Variants in DNM1L observed in about 807,000 individuals in gnomAD.
DNM1L encodes dynamin-1-like protein.
In DNM1L, 33 loss-of-function variants were observed where a neutral mutation model predicts 92.8. The ratio of observed to expected loss-of-function variants is 0.36; its 90% CI spans 0.27 to 0.48. DNM1L has a LOEUF of 0.48. DNM1L is among the 20% of genes least tolerant of loss of function. The probability of loss-of-function intolerance (pLI) is 0.99; values close to 1 mark genes in which losing one functional copy is unlikely to be tolerated. For synonymous variants in DNM1L, 284 were observed against 305.0 expected (o/e 0.93, Z 0.72); for missense variants, 485 against 888.8 (o/e 0.55, Z 5.78).
intron 17 of DNM1L, 76 bp from the exon 18 acceptor site, chr12:32,740,333 T>TA: frequency 3.7e-6 from 6 of 1,610,382 alleles, no homozygotes; most frequent in Non-Finnish European, 4.2e-6. Context: ...CTCAAAAACT[T>TA]ACATAACTTT....
Position 32,731,860 on chromosome 12 carries a change from T to G in DNM1L, c.1363T>G (p.Leu455Val). The G allele has an allele frequency of 6.2e-7, 1 of 1,612,368 alleles. No homozygotes were observed. Among genetic ancestry groups the G allele is most frequent in the Non-Finnish European group, 8.5e-7 (1 of 1,178,584 alleles). ...HCSNYSTQELLRFPKLHDAIV... is the reference protein window; with the variant it reads ...HCSNYSTQELVRFPKLHDAIV... The stretch of plus-strand genomic sequence containing the variant: ...TTTCATCTACCATTTGTAGGAATTG[T>G]TACGATTTCCTAAACTTCATGATGC... Residue 455 changes from leucine (L) to valine (V), a missense_variant, in exon 12 of 20, where the codon TTA becomes GTA. Physicochemically the swap from Leu to Val is conservative, Grantham distance 32. This residue lies in a region of DNM1L where 28 missense variants were observed against 65.1 expected (regional missense o/e 0.43). Coordinates refer to ENST00000549701, the MANE Select transcript of DNM1L (RefSeq NM_012062.5). This position sits in a 1 kb window ranked among gnomAD's most constrained non-coding sequence, Gnocchi z 5.1.
At chr12:32,717,188 A>G (rs545278190) in intron 6 of DNM1L, among the ~76,000 whole-genome samples, 68 of 119,176 alleles carry the variant, frequency 5.7e-4, no homozygotes, top group African/African-American at 2.1e-3. Context: ...TATAGTATAT[A>G]CTATATATAT....
intron 9 of DNM1L, among the ~76,000 whole-genome samples, chr12:32,724,576 CAAAAAAAA>C (rs10535838): frequency 8.3e-5 from 8 of 95,964 alleles, no homozygotes; most frequent in Admixed American, 1.5e-4. Flanking sequence ...ACTCTATCTC[CAAAAAAAA>C]AAAAAAAAAA....
chr12:32,684,396 A>G (rs1226013919), intron 1 of DNM1L, among the ~76,000 whole-genome samples: 3 of 152,264 alleles, frequency 2.0e-5, no homozygotes, highest in South Asian at 4.1e-4. Context: ...GGATTTGCCT[A>G]TTTGGGATAT....
intron 1 of DNM1L, among the ~76,000 whole-genome samples, chr12:32,685,311 G>A (rs1328600084): frequency 6.7e-6 from 1 of 148,684 alleles, no homozygotes; most frequent in African/African-American, 2.5e-5. Context: ...TAATTCTTAC[G>A]TTTAACTTTC....
intron 9 of DNM1L, chr12:32,728,908 C>T (rs11052205): frequency 0.15 from 23,399 of 152,162 alleles, 1,889 homozygotes; most frequent in Middle Eastern, 0.21. Flanking sequence ...CTCAGCCTCC[C>T]GAGTAGCTGG....
At chr12:32,679,720 G>T (rs1245217340) in intron 1 of DNM1L, 12 of 1,191,630 alleles carry the variant, frequency 1.0e-5, no homozygotes, top group Non-Finnish European at 1.1e-5. Flanking sequence ...GGCTAGCCCG[G>T]CGGGTCCCGG....
intron 16 of DNM1L, among the ~76,000 whole-genome samples, chr12:32,739,147 A>G (rs1955107644): frequency 6.8e-6 from 1 of 147,596 alleles, no homozygotes; most frequent in South Asian, 2.1e-4. Context: ...CTTAACTGAC[A>G]TACTAAAGAC....
At chr12:32,681,754 T>C (rs911989340) in intron 1 of DNM1L, among the ~76,000 whole-genome samples, 1 of 152,032 alleles carries the variant, frequency 6.6e-6, no homozygotes, top group African/African-American at 2.4e-5. Flanking sequence ...AATGAAGTAA[T>C]TGTAGTGAGT....
chr12:32,724,588 AAAAAAATATATAT>A (rs1480142351), intron 9 of DNM1L, among the ~76,000 whole-genome samples: 33 of 68,074 alleles, frequency 4.8e-4, no homozygotes, highest in African/African-American at 1.3e-3. Flanking sequence ...AAAAAAAAAA[AAAAAAATATATAT>A]ATATATATAT....
At chr12:32,726,717 T>C in intron 9 of DNM1L, 2 of 635,546 alleles carry the variant, frequency 3.1e-6, no homozygotes, top group Non-Finnish European at 5.7e-6. Flanking sequence ...ATGTCCCTAG[T>C]GTTTCTGCTG....
chr12:32,722,870 T>TTAAATACTTATTTTTATAAGTATTTAAA (rs59553064), intron 9 of DNM1L: 111 of 172,844 alleles, frequency 6.4e-4, no homozygotes, highest in East Asian at 5.1e-3. Flanking sequence ...TTATAAGTAT[T>TTAAATACTTATTTTTATAAGTATTTAAA]TACTTATTTT....
rs151293015 is a variant in DNM1L, at chr12:32,702,117, C to T, written c.250+555C>T. Among the ~76,000 whole-genome samples, 356 of 151,156 alleles carry T rather than the reference C, an allele frequency of 2.4e-3. 1 individual carries two copies. Among genetic ancestry groups the T allele is most frequent in the African/African-American group, 8.4e-3 (346 of 41,306 alleles). ...GATTTGGTGGCACTTGCCTGTAGTC[C>T]CAGCTACTCAGGAGGCTGAGGCAGA... is the stretch of plus-strand genomic sequence containing the variant. On this transcript the variant is annotated intron_variant, in intron 2 of 19. Coordinates refer to ENST00000549701, the MANE Select transcript of DNM1L (RefSeq NM_012062.5).
At chr12:32,708,916 C>T (rs1380977995) in intron 4 of DNM1L, among the ~76,000 whole-genome samples, 2 of 151,702 alleles carry the variant, frequency 1.3e-5, no homozygotes, top group African/African-American at 4.8e-5. Context: ...TTTTATTTCC[C>T]TTCCTTTTTG....
intron 7 of DNM1L, 71 bp from the exon 8 acceptor site, chr12:32,720,593 T>A (rs1314797185): frequency 5.6e-6 from 9 of 1,602,008 alleles, no homozygotes; most frequent in Non-Finnish European, 7.7e-6. Context: ...CAATGCCTGG[T>A]GCTGTCATCA....
In DNM1L at chr12:32,740,113, C is replaced by T; in HGVS notation, c.1757C>T (p.Thr586Ile). The T allele has an allele frequency of 6.2e-7, 1 of 1,614,118 alleles. No homozygotes were observed. Among genetic ancestry groups the T allele is most frequent in the Non-Finnish European group, 8.5e-7 (1 of 1,180,020 alleles). Residue 586 changes from threonine to isoleucine, a missense_variant, in exon 17 of 20, where the codon ACA becomes ATA. Thr to Ile is a moderately conservative substitution (Grantham distance 89, BLOSUM62 -1). This residue lies in a region of DNM1L where 133 missense variants were observed against 210.9 expected (regional missense o/e 0.63). Coordinates refer to ENST00000549701, the MANE Select transcript of DNM1L (RefSeq NM_012062.5). Reference sequence around the variant, plus strand: ...GGAGATGGTGTTCAAGAACCAACCACAGGCAACTGGAGAGGAATGCTGAAA... The same window carrying T: ...GGAGATGGTGTTCAAGAACCAACCATAGGCAACTGGAGAGGAATGCTGAAA... ...GVGDGVQEPT[T>I]GNWRGMLKTS...
At chr12:32,688,800 C>T (rs888436173) in intron 1 of DNM1L, among the ~76,000 whole-genome samples, 2 of 152,136 alleles carry the variant, frequency 1.3e-5, no homozygotes, top group Admixed American at 6.5e-5. Flanking sequence ...ATCTAGAAAG[C>T]ACTGGACCTA....
chr12:32,719,017 T>C (rs2137427010), intron 7 of DNM1L, among the ~76,000 whole-genome samples: 1 of 152,118 alleles, frequency 6.6e-6, no homozygotes, highest in East Asian at 1.9e-4. Context: ...AGTGGCGTGA[T>C]TGTGGCTCAT....
chr12:32,736,067 C>CT (rs773591822), intron 13 of DNM1L, among the ~76,000 whole-genome samples: 11,993 of 113,008 alleles, frequency 0.11, 1,222 homozygotes, highest in African/African-American at 0.23. Flanking sequence ...TCTTCATAAT[C>CT]TTTTTTTTTT....
Sources: gnomAD v4.1 joint callset for allele counts (sites outside exome capture counted in the v4.1 genomes callset) on GRCh38, gnomAD v4.1.1 for gene constraint, gnomAD v4.1.1 regional missense constraint, Gnocchi (gnomAD v3.1) non-coding constraint, MANE v1.5 for transcripts, NCBI Gene and HGNC (gene_info 2026-07-23, HGNC 2026-07-21) for gene names.